CC2D2A: variants seen among roughly 807,000 people sequenced by gnomAD.
CC2D2A encodes the protein coiled-coil and C2 domain containing 2A.
CC2D2A carries 155 observed loss-of-function variants against 212.9 expected under a neutral mutation model. The ratio of observed to expected loss-of-function variants is 0.73; its 90% confidence interval spans 0.64 to 0.83. The LOEUF is 0.83. Ranked by LOEUF, CC2D2A falls within the 40% of genes least tolerant of loss-of-function variation. The probability of loss-of-function intolerance (pLI) is 0.00; values close to 1 mark genes in which losing one functional copy is unlikely to be tolerated. For synonymous variants in CC2D2A, 667 were observed against 686.5 expected (o/e 0.97, Z 0.44); for missense variants, 1,856 against 1,956.2 (o/e 0.95, Z 0.97).
At position 15,587,863 on chromosome 4, in the gene CC2D2A, A is replaced by G. The variant is rs1468959494; in HGVS notation, c.4113A>G (p.Leu1371=). Residue 1371 remains leucine (L), a synonymous_variant, in exon 32 of 37, where the codon CTA becomes CTG. Transcript: ENST00000424120. ...LAGDEEEHAV[L]LCNYFLSLGK... ...GGGATGAAGAAGAACATGCAGTACT[A>G]TTGTGTAATTACTTTCTGTCTCTGG... 1 of 1,613,320 alleles carries G rather than the reference A, an allele frequency of 6.2e-7. No homozygotes were observed.
At chr4:15,470,690 T>TATATATATATA (rs1491201405) in intron 1 of CC2D2A, among the ~76,000 whole-genome samples, 7 of 28,632 alleles carry the variant, frequency 2.4e-4, no homozygotes, top group African/African-American at 1.4e-3. Context: ...TCTCTCTCTC[T>TATATATATATA]ATATATATAT....
intron 4 of CC2D2A, among the ~76,000 whole-genome samples, chr4:15,489,398 C>T (rs1011719045): frequency 1.3e-5 from 2 of 152,046 alleles, no homozygotes; most frequent in Non-Finnish European, 2.9e-5. Context: ...CAAGGATGCA[C>T]AGTGGAGAAT....
chr4:15,600,733 C>T (rs1394034445), intron 36 of CC2D2A, among the ~76,000 whole-genome samples: 8 of 151,824 alleles, frequency 5.3e-5, no homozygotes, highest in Admixed American at 5.3e-4. Flanking sequence ...AAAACTCCAT[C>T]TCTACAAAAA....
intron 23 of CC2D2A, among the ~76,000 whole-genome samples, chr4:15,562,533 T>C (rs1425616555): frequency 6.6e-6 from 1 of 152,228 alleles, no homozygotes; most frequent in Non-Finnish European, 1.5e-5. Context: ...GCTTCTCCCC[T>C]AACCCCTTCC....
At chr4:15,481,925 TGAGGACACATATA>T in intron 4 of CC2D2A, 1 of 985,402 alleles carries the variant, frequency 1.0e-6, no homozygotes, top group Non-Finnish European at 1.2e-6. Flanking sequence ...ACCTTGCCAT[TGAGGACACATATA>T]CTTCTCCCCC....
At chr4:15,472,984 T>G (rs1169231204) in intron 1 of CC2D2A, among the ~76,000 whole-genome samples, 1 of 152,236 alleles carries the variant, frequency 6.6e-6, no homozygotes, top group East Asian at 1.9e-4. Flanking sequence ...AAAGGGCTTA[T>G]GATTTGTCAG....
chr4:15,518,288 T>C (rs1716997097), intron 11 of CC2D2A, among the ~76,000 whole-genome samples: 3 of 152,134 alleles, frequency 2.0e-5, no homozygotes, highest in Admixed American at 6.5e-5. Context: ...CTAGATACAA[T>C]GGAGGTATAG....
chr4:15,524,207 C>T (rs1717367860), intron 11 of CC2D2A, among the ~76,000 whole-genome samples: 1 of 152,058 alleles, frequency 6.6e-6, no homozygotes. Context: ...AATCTCGGCT[C>T]ACTGCAACCT....
chr4:15,483,907 G>A (rs757373600), intron 4 of CC2D2A, among the ~76,000 whole-genome samples: 9 of 152,174 alleles, frequency 5.9e-5, no homozygotes, highest in Non-Finnish European at 8.8e-5. Context: ...GACCATGGGC[G>A]TTGGCTTAGA....
chr4:15,558,084 C>A (rs1391065149), intron 21 of CC2D2A, among the ~76,000 whole-genome samples: 1 of 152,072 alleles, frequency 6.6e-6, no homozygotes, highest in African/African-American at 2.4e-5. Context: ...GTGGAGGAGC[C>A]TTTGAGGAAC....
chr4:15,558,189 A>G (rs1304047672), intron 21 of CC2D2A, among the ~76,000 whole-genome samples: 1 of 152,114 alleles, frequency 6.6e-6, no homozygotes, highest in African/African-American at 2.4e-5. Flanking sequence ...AGCTGTAGAC[A>G]CATGCACTTT....
intron 11 of CC2D2A, among the ~76,000 whole-genome samples, chr4:15,522,805 T>C (rs1717284577): frequency 6.6e-6 from 1 of 152,124 alleles, no homozygotes; most frequent in South Asian, 2.1e-4. Flanking sequence ...CTAATCATGA[T>C]AGCAAAGTAG....
intron 35 of CC2D2A, 35 bp downstream of exon 35, chr4:15,597,500 T>G (rs1420113559): frequency 6.7e-7 from 1 of 1,496,854 alleles, no homozygotes; most frequent in Non-Finnish European, 9.1e-7. Flanking sequence ...ATGTAATCTG[T>G]CACTAGGAGT....
chr4:15,530,032 T>C (rs960011510), intron 13 of CC2D2A, among the ~76,000 whole-genome samples: 76 of 151,720 alleles, frequency 5.0e-4, no homozygotes, highest in Admixed American at 1.2e-3. Context: ...AGTGCAGTGG[T>C]GCGATTTCGG....
chr4:15,575,975 C>A (rs1365726955), intron 29 of CC2D2A, among the ~76,000 whole-genome samples: 1 of 152,204 alleles, frequency 6.6e-6, no homozygotes, highest in Non-Finnish European at 1.5e-5. Context: ...CTAGGCATCC[C>A]TCACGGGCCC....
At position 15,570,437 on chromosome 4, in the gene CC2D2A, G is replaced by T. The variant is rs767783281; in HGVS notation, c.3535G>T (p.Glu1179Ter). The T allele has an allele frequency of 4.4e-6, 7 of 1,608,142 alleles. No homozygotes were observed. In the South Asian group the frequency reaches 7.8e-5, roughly 18 times the overall value. The part of the protein sequence containing the change: ...ERGSGIHTRI[E>*]RHWLGCVKMP... ...AGGAAGTGGAATCCATACTCGTATT[G>T]AGAGACACTGGCTGGGATGTGTGAA... is the stretch of plus-strand genomic sequence containing the variant. The change falls in exon 28 of 37, where the codon GAG becomes TAG. Residue 1179 changes from glutamate to a stop codon, truncating the protein, a stop_gained. Transcript: ENST00000424120. LOFTEE classifies it high-confidence loss of function.
Position 15,553,286 on chromosome 4 carries a change from C to G in CC2D2A, c.2467C>G (p.Gln823Glu). 3 of 1,612,630 alleles carry G rather than the reference C, an allele frequency of 1.9e-6. No homozygotes were observed. Among genetic ancestry groups the G allele is most frequent in the Non-Finnish European group, 2.5e-6 (3 of 1,179,396 alleles). ...ACCTTTAATTCCTCCATTGTCACAG[C>G]AGAACATCGGATTTCGGAGGTAATA... ...GIPLIPPLSQ[Q>E]NIGFRSALKK... The change falls in exon 19 of 37, where the codon CAG (glutamine) becomes GAG (glutamate). Residue 823 changes from glutamine to glutamate, a missense_variant. Physicochemically the swap from Gln to Glu is conservative, Grantham distance 29 (BLOSUM62 2). This residue lies in a region of CC2D2A where 1,512 missense variants were observed against 1,579.3 expected (regional missense o/e 0.96). Transcript: ENST00000424120.
chr4:15,500,101 G>GTATATA (rs1222191394), intron 4 of CC2D2A, among the ~76,000 whole-genome samples: 41 of 71,108 alleles, frequency 5.8e-4, no homozygotes, highest in South Asian at 1.6e-3. Flanking sequence ...GTGTGTGTGT[G>GTATATA]TGTGTGTATA....
intron 28 of CC2D2A, among the ~76,000 whole-genome samples, chr4:15,570,831 T>C (rs541188849): frequency 1.3e-3 from 197 of 152,192 alleles, no homozygotes; most frequent in African/African-American, 4.5e-3. Context: ...GAGGTTGCAG[T>C]GAGCCAAGAT....
Sources: gnomAD v4.1 joint callset for allele counts (sites outside exome capture counted in the v4.1 genomes callset) on GRCh38, gnomAD v4.1.1 for gene constraint, gnomAD v4.1.1 regional missense constraint, MANE v1.5 for transcripts, NCBI Gene and HGNC (gene_info 2026-07-23, HGNC 2026-07-21) for gene names.